Variants in VAV3 observed in about 807,000 individuals in gnomAD.
VAV3 encodes the protein guanine nucleotide exchange factor VAV3.
A neutral mutation model predicts 131.2 loss-of-function variants in VAV3; 94 were observed. That is an observed-to-expected ratio of 0.72 (90% CI 0.61 to 0.85). The LOEUF (loss-of-function observed/expected upper bound fraction) is 0.85, where lower values mean the gene tolerates loss of function less well. Among genes scored for constraint, VAV3 ranks in the 40% least tolerant of loss-of-function variants. The pLI, the probability that VAV3 is intolerant of heterozygous loss-of-function variation, is 0.00. For missense variants in VAV3, 939 were observed against 1,002.7 expected (o/e 0.94, Z 0.86); for synonymous variants, 349 against 342.0 (o/e 1.02, Z -0.22).
chr1:107,609,745 C>T (rs530067848), intron 22 of VAV3, 186 bp downstream of exon 22: 1 of 590,656 alleles, frequency 1.7e-6, no homozygotes, highest in East Asian at 2.8e-5. Flanking sequence ...ACACACCCCC[C>T]TCGCAGATAA....
At chr1:107,808,167 A>G (rs1667151095) in intron 2 of VAV3, among the ~76,000 whole-genome samples, 1 of 152,192 alleles carries the variant, frequency 6.6e-6, no homozygotes, top group Admixed American at 6.5e-5. Context: ...AGGTTTTAAC[A>G]CTAACATTTC....
intron 22 of VAV3, chr1:107,609,695 TTTAAA>T (rs1652570053): frequency 2.4e-6 from 1 of 422,362 alleles, no homozygotes; most frequent in Non-Finnish European, 4.3e-6. Context: ...TGGTATAAAC[TTTAAA>T]TTATCAGTCT....
At chr1:107,915,390 A>G (rs554488162) in intron 1 of VAV3, among the ~76,000 whole-genome samples, 2 of 152,278 alleles carry the variant, frequency 1.3e-5, no homozygotes, top group African/African-American at 2.4e-5. Flanking sequence ...TTTCTGATAA[A>G]CCAGGTGCAA....
At chr1:107,955,333 G>T (rs1460395176) in intron 1 of VAV3, among the ~76,000 whole-genome samples, 1 of 150,690 alleles carries the variant, frequency 6.6e-6, no homozygotes, top group African/African-American at 2.5e-5. Flanking sequence ...TTTTTAATTT[G>T]TAGATGTTTG....
intron 1 of VAV3, among the ~76,000 whole-genome samples, chr1:107,893,886 C>T (rs1251713957): frequency 6.6e-6 from 1 of 152,128 alleles, no homozygotes; most frequent in African/African-American, 2.4e-5. Context: ...TGAATATCCC[C>T]ACAAGATCCC....
chr1:107,688,154 A>G (rs910262153), intron 18 of VAV3, among the ~76,000 whole-genome samples: 1 of 152,202 alleles, frequency 6.6e-6, no homozygotes, highest in African/African-American at 2.4e-5. Flanking sequence ...CTTTGATTAA[A>G]TATTCACATT....
chr1:107,904,379 T>C (rs1330546598), intron 1 of VAV3, among the ~76,000 whole-genome samples: 1 of 152,226 alleles, frequency 6.6e-6, no homozygotes, highest in Non-Finnish European at 1.5e-5. Context: ...ATTTCCTTGG[T>C]TCTTTTCTAG....
chr1:107,682,258 T>A (rs1194472448), intron 19 of VAV3, among the ~76,000 whole-genome samples: 2 of 152,032 alleles, frequency 1.3e-5, no homozygotes, highest in African/African-American at 4.8e-5. Context: ...TGCATTTCCC[T>A]GAGGGGAGAA....
intron 2 of VAV3, among the ~76,000 whole-genome samples, chr1:107,823,806 AG>A (rs1667900132): frequency 6.6e-6 from 1 of 152,314 alleles, no homozygotes; most frequent in African/African-American, 2.4e-5. Flanking sequence ...GAAGCCAGAG[AG>A]CTTGCTTGCT....
intron 2 of VAV3, among the ~76,000 whole-genome samples, chr1:107,803,105 T>C (rs1372945230): frequency 2.0e-5 from 3 of 152,034 alleles, no homozygotes; most frequent in East Asian, 1.9e-4. Flanking sequence ...CTGTTTCTTC[T>C]AGTTTTCCCA....
intron 1 of VAV3, among the ~76,000 whole-genome samples, chr1:107,932,810 A>G (rs1294173553): frequency 1.3e-5 from 2 of 152,230 alleles, no homozygotes; most frequent in African/African-American, 4.8e-5. Flanking sequence ...CCACAGGGCA[A>G]AGAATCCAGG....
At chr1:107,607,924 A>T (rs997133552) in intron 22 of VAV3, among the ~76,000 whole-genome samples, 1 of 152,166 alleles carries the variant, frequency 6.6e-6, no homozygotes, top group Non-Finnish European at 1.5e-5. Context: ...ATTTTCTCTA[A>T]ATAGTTTAGT....
intron 1 of VAV3, among the ~76,000 whole-genome samples, chr1:107,903,574 G>A (rs1463735277): frequency 1.3e-5 from 2 of 152,106 alleles, no homozygotes; most frequent in Non-Finnish European, 2.9e-5. Flanking sequence ...TTCTCAAAGT[G>A]TGGCAAAGAC....
chr1:107,750,342 C>T (rs1391943082), intron 13 of VAV3, among the ~76,000 whole-genome samples: 5 of 152,256 alleles, frequency 3.3e-5, no homozygotes, highest in Non-Finnish European at 5.9e-5. Context: ...TTAAGAACAA[C>T]GTAACTTGGG....
At chr1:107,823,216 G>A (rs114393032) in intron 2 of VAV3, among the ~76,000 whole-genome samples, 1,841 of 152,198 alleles carry the variant, frequency 0.012, 33 homozygotes, top group African/African-American at 0.043. Context: ...CAGACATGAG[G>A]GAATCAAGAA....
chr1:107,869,163 G>C (rs1670138073), intron 2 of VAV3, among the ~76,000 whole-genome samples: 1 of 152,118 alleles, frequency 6.6e-6, no homozygotes, highest in Admixed American at 6.5e-5. Flanking sequence ...TGTGGTCAAA[G>C]GCATGGGATA....
Position 107,965,150 on chromosome 1 carries a change from G to A in VAV3, c.-281C>T, listed in dbSNP as rs1342481990. ...GGCTCGGCGGCGGCTGCCGCGCACA[G>A]GCTTCCGACTCCAGCGCCCGGCCCG... is the stretch of plus-strand genomic sequence containing the variant. On this transcript the variant is annotated 5_prime_UTR_variant, in exon 1 of 27. Transcript: ENST00000370056. 1 of 149,530 alleles carries A rather than the reference G, an allele frequency of 6.7e-6. No homozygotes were observed. Among genetic ancestry groups the A allele is most frequent in the African/African-American group, 2.4e-5 (1 of 41,148 alleles). The allele number at this position is 149,530 out of a possible 1,614,324, so 9.3% of individuals were successfully genotyped here.
intron 8 of VAV3, 61 bp downstream of exon 8, chr1:107,766,385 TA>T: frequency 8.9e-7 from 1 of 1,127,076 alleles, no homozygotes; most frequent in South Asian, 1.4e-5. Context: ...TTAGCTATTT[TA>T]ATACTAATCC....
intron 10 of VAV3, among the ~76,000 whole-genome samples, chr1:107,757,990 G>A (rs181949418): frequency 3.3e-5 from 5 of 152,152 alleles, no homozygotes; most frequent in Admixed American, 6.5e-5. Context: ...GGACTCATCC[G>A]TCCAACTAAA....
Sources: allele counts gnomAD v4.1 joint callset (sites outside exome capture counted in the v4.1 genomes callset), GRCh38; gene constraint gnomAD v4.1.1; transcripts MANE v1.5; gene names NCBI Gene and HGNC (gene_info 2026-07-23, HGNC 2026-07-21).